MAD1L1: variants seen among roughly 807,000 people sequenced by gnomAD.
MAD1L1 encodes the protein mitotic arrest deficient 1 like 1.
In MAD1L1, 95 loss-of-function variants were observed where a neutral mutation model predicts 96.9. The observed-to-expected ratio is 0.98, with a 90% CI of 0.83 to 1.16. MAD1L1 has a LOEUF of 1.16. Ranked by LOEUF, MAD1L1 falls within the 50% of genes most tolerant of loss-of-function variation. The pLI is 0.00. For synonymous variants in MAD1L1, 473 were observed against 396.6 expected, an observed-to-expected ratio of 1.19 and a Z score of -2.29; for missense variants, 1,007 against 954.4, an observed-to-expected ratio of 1.06 and a Z score of -0.73.
At chr7:1,969,605 G>A (rs1426385930) in intron 15 of MAD1L1, among the ~76,000 whole-genome samples, 2 of 152,126 alleles carry the variant, frequency 1.3e-5, no homozygotes, top group Non-Finnish European at 2.9e-5. Context: ...CAGATGCCAG[G>A]CTACAGAAAA....
At chr7:2,109,462 T>C (rs542070569) in intron 11 of MAD1L1, 1 of 152,132 alleles carries the variant, frequency 6.6e-6, no homozygotes, top group Non-Finnish European at 1.5e-5. Flanking sequence ...TCATTTCAAC[T>C]CACTTCCTAT....
chr7:1,931,733 T>A (rs1454979079), intron 17 of MAD1L1, among the ~76,000 whole-genome samples: 2 of 146,460 alleles, frequency 1.4e-5, no homozygotes. Flanking sequence ...CTCAGCTCCC[T>A]TACGACTGTG....
chr7:1,846,705 G>C (rs1345601051), intron 18 of MAD1L1: 1 of 160,676 alleles, frequency 6.2e-6, no homozygotes, highest in Admixed American at 5.8e-5. Flanking sequence ...CCAGAGCGAG[G>C]GGATGAGAAG....
intron 14 of MAD1L1, among the ~76,000 whole-genome samples, chr7:1,988,109 G>A (rs1235836041): frequency 1.3e-5 from 2 of 152,256 alleles, no homozygotes; most frequent in Non-Finnish European, 2.9e-5. Context: ...AAGAAAAGGA[G>A]TAGCAGGTAG....
chr7:2,005,595 G>A (rs1311166912), intron 13 of MAD1L1, among the ~76,000 whole-genome samples: 1 of 152,162 alleles, frequency 6.6e-6, no homozygotes, highest in Non-Finnish European at 1.5e-5. Context: ...GAGGTTAGGA[G>A]TTCGAGACCA....
intron 10 of MAD1L1, among the ~76,000 whole-genome samples, chr7:2,161,471 GC>G (rs1427682053): frequency 6.6e-6 from 1 of 152,034 alleles, no homozygotes; most frequent in Admixed American, 6.5e-5. Flanking sequence ...TCACCTCCCA[GC>G]CGCCTGACTT....
chr7:2,202,220 G>A (rs912051648), intron 10 of MAD1L1: 3 of 152,482 alleles, frequency 2.0e-5, no homozygotes, highest in Admixed American at 1.3e-4. Flanking sequence ...ACAATGCTCA[G>A]GATTGAGAGG....
At chr7:2,138,793 C>T (rs529938539) in intron 11 of MAD1L1, among the ~76,000 whole-genome samples, 6 of 152,248 alleles carry the variant, frequency 3.9e-5, no homozygotes, top group African/African-American at 1.2e-4. Flanking sequence ...AAGAAAGGCT[C>T]GGGGGTCAAG....
At chr7:1,905,950 T>C (rs1787599714) in intron 17 of MAD1L1, among the ~76,000 whole-genome samples, 1 of 148,436 alleles carries the variant, frequency 6.7e-6, no homozygotes, top group Non-Finnish European at 1.5e-5. Context: ...CTCGGGAGGC[T>C]GAGGCAGGAG....
At chr7:1,970,331 CTTTTTTT>C (rs34240381) in intron 15 of MAD1L1, among the ~76,000 whole-genome samples, 3 of 116,510 alleles carry the variant, frequency 2.6e-5, no homozygotes, top group East Asian at 2.4e-4. Flanking sequence ...TTAATTTTTA[CTTTTTTT>C]TTTTTTTTTT....
chr7:2,076,406 C>G (rs548841638), intron 11 of MAD1L1, among the ~76,000 whole-genome samples: 1 of 152,210 alleles, frequency 6.6e-6, no homozygotes, highest in Non-Finnish European at 1.5e-5. Context: ...TGGTCATCTG[C>G]AAACCAGGAA....
chr7:2,087,674 G>A (rs1785990044), intron 11 of MAD1L1, among the ~76,000 whole-genome samples: 2 of 152,224 alleles, frequency 1.3e-5, no homozygotes, highest in Admixed American at 1.3e-4. Context: ...GACCTCTCCT[G>A]CCTGTGCCGA....
chr7:1,983,769 A>G (rs1165230860), intron 14 of MAD1L1, among the ~76,000 whole-genome samples: 1 of 152,226 alleles, frequency 6.6e-6, no homozygotes, highest in Non-Finnish European at 1.5e-5. Flanking sequence ...CTCAGTCAAT[A>G]GCTCCAGGTA....
At chr7:1,856,031 G>A (rs961751772) in intron 18 of MAD1L1, among the ~76,000 whole-genome samples, 2 of 152,194 alleles carry the variant, frequency 1.3e-5, no homozygotes, top group Non-Finnish European at 2.9e-5. Flanking sequence ...GGGGTGCGGT[G>A]AGGGAGCTCT....
chr7:2,224,279 C>T (rs1303244911), intron 4 of MAD1L1, among the ~76,000 whole-genome samples: 2 of 152,172 alleles, frequency 1.3e-5, no homozygotes, highest in Non-Finnish European at 2.9e-5. Flanking sequence ...CCACCCCTAA[C>T]AAGGGAATCT....
chr7:2,056,465 A>G (rs1784393905), intron 12 of MAD1L1, among the ~76,000 whole-genome samples: 1 of 151,974 alleles, frequency 6.6e-6, no homozygotes, highest in Non-Finnish European at 1.5e-5. Context: ...GGGAGGGAGG[A>G]GCACACAGCC....
At position 2,214,172 on chromosome 7, in the gene MAD1L1, G is replaced by A. The variant is rs180869331; in HGVS notation, c.925-899C>T. Among the ~76,000 whole-genome samples, 53 of 152,338 alleles carry A rather than the reference G, an allele frequency of 3.5e-4. No homozygotes were observed. The East Asian group carries it at 9.4e-3, about 27-fold the overall frequency. ...GCACCACTCCTCCCTGTGCAGACGG[G>A]GAGACAGACAGGGAGATGAAGGAGC... On this transcript the variant is annotated intron_variant, in intron 9 of 18. Coordinates refer to ENST00000265854, the MANE Select transcript of MAD1L1 (RefSeq NM_001013836.2).
rs1467694279 is a variant in MAD1L1 at position 2,142,420 on chromosome 7, G to A, written c.1073+6732C>T. On this transcript the variant is annotated intron_variant, in intron 11 of 18. Transcript: ENST00000265854. This position sits in a 1 kb window ranked among gnomAD's most constrained non-coding sequence, Gnocchi z 4.7. ...GTCCCAGGCATGGTCCGGGGCTGCG[G>A]GAGAAACTCTTGGGACCAGCCCCAC... is the stretch of plus-strand genomic sequence containing the variant. 1.3e-5 allele frequency among the ~76,000 whole-genome samples: 2 copies of A among 152,248 alleles called. No individual in the cohort carries two copies. Among genetic ancestry groups the A allele is most frequent in the Non-Finnish European group, 2.9e-5 (2 of 68,040 alleles).
Position 2,222,614 on chromosome 7 carries a change from C to A in MAD1L1, c.432G>T (p.Arg144Ser). 6.2e-7 allele frequency: 1 copy of A among 1,612,668 alleles called. No individual in the cohort carries two copies. The highest frequency in any genetic ancestry group is 8.5e-7 in the Non-Finnish European group (1 of 1,179,598). The change falls in exon 5 of 19, where the codon AGG (arginine) becomes AGT (serine). Residue 144 changes from arginine (R) to serine (S), a missense_variant. Transcript: ENST00000265854. ...CCAGACTGTCCTCTTTCTCACGCAGCCTCTTGCTGGCAGCATCCAAGTTCT... is the reference window on the plus strand; with the variant it reads ...CCAGACTGTCCTCTTTCTCACGCAGACTCTTGCTGGCAGCATCCAAGTTCT... ...CQQNLDAASK[R>S]LREKEDSLAQ...
Sources: allele counts gnomAD v4.1 joint callset (sites outside exome capture counted in the v4.1 genomes callset), GRCh38; gene constraint gnomAD v4.1.1; non-coding constraint Gnocchi (gnomAD v3.1); transcripts MANE v1.5; gene names NCBI Gene and HGNC (gene_info 2026-07-23, HGNC 2026-07-21).